The following LRRFIP2 variants were observed in gnomAD, a reference collection of about 807,000 sequenced individuals.
LRRFIP2 encodes LRR binding FLII interacting protein 2, also known as leucine-rich repeat flightless-interacting protein 2.
A neutral mutation model predicts 125.9 loss-of-function variants in LRRFIP2; 109 were observed. The observed-to-expected ratio is 0.87, with a 90% CI of 0.74 to 1.01. LRRFIP2 has a LOEUF of 1.01. LRRFIP2 is among the 50% of genes least tolerant of loss of function. The pLI is 0.00. For synonymous variants in LRRFIP2, 291 were observed against 293.1 expected (o/e 0.99, Z 0.07); for missense variants, 850 against 862.3 (o/e 0.99, Z 0.18).
intron 1 of LRRFIP2, among the ~76,000 whole-genome samples, chr3:37,156,684 A>C (rs1327048293): frequency 1.4e-5 from 2 of 142,366 alleles, no homozygotes; most frequent in African/African-American, 5.0e-5. Context: ...AAAAAAAAAA[A>C]AAAAAAAAAA....
At chr3:37,138,569 T>C (rs1210634152) in intron 2 of LRRFIP2, among the ~76,000 whole-genome samples, 2 of 152,212 alleles carry the variant, frequency 1.3e-5, no homozygotes, top group Non-Finnish European at 2.9e-5. Context: ...CTTATCCAAG[T>C]AAGTTCCAAG....
chr3:37,165,855 AAGAG>A (rs149728858), intron 1 of LRRFIP2, among the ~76,000 whole-genome samples: 3 of 131,938 alleles, frequency 2.3e-5, no homozygotes, highest in Admixed American at 7.3e-5. Flanking sequence ...GAAAGAAAGA[AAGAG>A]AAAGAAAGAA....
intron 1 of LRRFIP2, among the ~76,000 whole-genome samples, chr3:37,168,856 T>C (rs1331779257): frequency 6.6e-6 from 1 of 152,212 alleles, no homozygotes; most frequent in Non-Finnish European, 1.5e-5. Context: ...CATAGCACAC[T>C]ACAGCCTAGA....
At chr3:37,100,378 G>GTA (rs1553735100) in intron 15 of LRRFIP2, among the ~76,000 whole-genome samples, 1 of 147,156 alleles carries the variant, frequency 6.8e-6, no homozygotes, top group Non-Finnish European at 1.5e-5. Context: ...ATACATACAT[G>GTA]TATACATACA....
chr3:37,098,003 A>G (rs2093809974), intron 15 of LRRFIP2, among the ~76,000 whole-genome samples: 2 of 152,230 alleles, frequency 1.3e-5, no homozygotes, highest in African/African-American at 4.8e-5. Flanking sequence ...TTATTAAAAC[A>G]TGAAACATCA....
At chr3:37,152,328 A>T (rs1560093634) in intron 1 of LRRFIP2, among the ~76,000 whole-genome samples, 1 of 152,214 alleles carries the variant, frequency 6.6e-6, no homozygotes, top group Non-Finnish European at 1.5e-5. Context: ...GTAAAATACT[A>T]CACAGTGGGT....
At chr3:37,065,716 T>G in intron 23 of LRRFIP2, 94 bp downstream of exon 23, 1 of 1,496,560 alleles carries the variant, frequency 6.7e-7, no homozygotes, top group Non-Finnish European at 9.3e-7. Context: ...TCTCAGCCCT[T>G]ATGCTGTTTT....
At chr3:37,149,390 G>A (rs1023663887) in intron 1 of LRRFIP2, among the ~76,000 whole-genome samples, 4 of 152,076 alleles carry the variant, frequency 2.6e-5, no homozygotes, top group African/African-American at 9.7e-5. Flanking sequence ...GGTGGTGCAT[G>A]TCTGTAATCC....
At chr3:37,109,286 T>C (rs2094462706) in intron 11 of LRRFIP2, among the ~76,000 whole-genome samples, 1 of 152,078 alleles carries the variant, frequency 6.6e-6, no homozygotes, top group African/African-American at 2.4e-5. Flanking sequence ...ATCTATCTTC[T>C]CTAGATAAAA....
intron 21 of LRRFIP2, among the ~76,000 whole-genome samples, chr3:37,070,814 T>G (rs2148860092): frequency 1.3e-5 from 2 of 152,292 alleles, no homozygotes; most frequent in African/African-American, 4.8e-5. Context: ...GGGGTTTCTA[T>G]GGCTGGTCCA....
chr3:37,124,299 T>G (rs1474709043), intron 4 of LRRFIP2, among the ~76,000 whole-genome samples: 1 of 152,226 alleles, frequency 6.6e-6, no homozygotes, highest in East Asian at 1.9e-4. Context: ...TCTAAACCTA[T>G]TTGACAAATG....
intron 1 of LRRFIP2, among the ~76,000 whole-genome samples, chr3:37,149,818 TGG>T (rs67800114): frequency 0.017 from 2,612 of 151,976 alleles, 80 homozygotes; most frequent in African/African-American, 0.059. Flanking sequence ...CTGGCCAACA[TGG>T]TAAAACCCCA....
intron 13 of LRRFIP2, 45 bp downstream of exon 13, chr3:37,108,028 A>G: frequency 6.5e-7 from 1 of 1,536,854 alleles, no homozygotes; most frequent in South Asian, 1.1e-5. Flanking sequence ...GATTAACGCA[A>G]CAATCAAAAA....
At chr3:37,132,974 A>G (rs1020466333) in intron 2 of LRRFIP2, among the ~76,000 whole-genome samples, 1 of 152,240 alleles carries the variant, frequency 6.6e-6, no homozygotes, top group African/African-American at 2.4e-5. Flanking sequence ...CTGTAATCTC[A>G]GCACTTTAGG....
chr3:37,091,834 C>T (rs576126290), intron 17 of LRRFIP2, among the ~76,000 whole-genome samples: 3 of 152,154 alleles, frequency 2.0e-5, no homozygotes, highest in South Asian at 4.1e-4. Context: ...GAGGAAAAAG[C>T]TATATAAATT....
intron 14 of LRRFIP2, among the ~76,000 whole-genome samples, chr3:37,104,180 A>C (rs1163532272): frequency 6.6e-6 from 1 of 152,180 alleles, no homozygotes; most frequent in Non-Finnish European, 1.5e-5. Flanking sequence ...CCTATTTGAG[A>C]ATTTTGATAG....
At chr3:37,103,769 G>A (rs1354245724) in intron 14 of LRRFIP2, among the ~76,000 whole-genome samples, 2 of 152,040 alleles carry the variant, frequency 1.3e-5, no homozygotes, top group Non-Finnish European at 2.9e-5. Flanking sequence ...CACAGTCCCT[G>A]ACATTTCTTT....
intron 1 of LRRFIP2, among the ~76,000 whole-genome samples, chr3:37,151,727 A>G (rs1487752380): frequency 6.6e-6 from 1 of 151,648 alleles, no homozygotes; most frequent in Non-Finnish European, 1.5e-5. Flanking sequence ...CTTTCCAAGT[A>G]GCTGGAACTA....
intron 6 of LRRFIP2, among the ~76,000 whole-genome samples, chr3:37,119,892 C>G (rs996636457): frequency 6.6e-6 from 1 of 151,954 alleles, no homozygotes; most frequent in Non-Finnish European, 1.5e-5. Context: ...GAACTCTGAA[C>G]CTCAGGTGAT....
Sources: gnomAD v4.1 joint callset for allele counts (sites outside exome capture counted in the v4.1 genomes callset) on GRCh38, gnomAD v4.1.1 for gene constraint, MANE v1.5 for transcripts, NCBI Gene and HGNC (gene_info 2026-07-23, HGNC 2026-07-21) for gene names.